UBR3: variants seen among roughly 807,000 people sequenced by gnomAD.
UBR3 encodes E3 ubiquitin-protein ligase UBR3.
UBR3 carries 85 observed loss-of-function variants against 243.2 expected under a neutral mutation model. The observed-to-expected ratio is 0.35, with a 90% CI of 0.29 to 0.42. The LOEUF (loss-of-function observed/expected upper bound fraction) is 0.42, where lower values mean the gene tolerates loss of function less well. UBR3 is among the 10% of genes least tolerant of loss of function. The pLI is 1.00. For missense variants in UBR3, 1,686 were observed against 2,300.8 expected, an observed-to-expected ratio of 0.73 and a Z score of 5.47; for synonymous variants, 748 against 799.8, an observed-to-expected ratio of 0.94 and a Z score of 1.09.
In UBR3 at chr2:169,861,120, T is replaced by C. The variant is rs575501232; in HGVS notation, c.546-11116T>C. The stretch of plus-strand genomic sequence containing the variant: ...CTAGCTGCTCTGGCAGCTAATTAGA[T>C]GGTGTCCACCCAGAATGAGGGTGGG... On this transcript the variant is annotated intron_variant, in intron 1 of 38. Transcript: ENST00000272793. Among the ~76,000 whole-genome samples, 115 of 152,312 alleles carry C rather than the reference T, an allele frequency of 7.6e-4. 1 individual carries two copies. The Middle Eastern group carries it at 0.017, about 23-fold the overall frequency.
At chr2:169,995,864 C>A (rs929163942) in intron 26 of UBR3, among the ~76,000 whole-genome samples, 8 of 152,052 alleles carry the variant, frequency 5.3e-5, no homozygotes, top group African/African-American at 1.9e-4. Flanking sequence ...TTCTGTATTC[C>A]TTTTGATGTT....
rs141091459 is a variant in UBR3, at chr2:170,069,802, C to T, written c.5020-3626C>T. On this transcript the variant is annotated intron_variant, in intron 35 of 38. Transcript: ENST00000272793. The stretch of plus-strand genomic sequence containing the variant: ...TGTGTATACAGTCATCCATCGCTAT[C>T]TGTAGGGGATTTGTTCCCCCCCCAG... Among the ~76,000 whole-genome samples the T allele has an allele frequency of 2.8e-3, 427 of 152,100 alleles. 1 individual carries two copies. Among genetic ancestry groups the T allele is most frequent in the Middle Eastern group, 0.014 (4 of 294 alleles).
chr2:170,068,733 T>C (rs2091633980), intron 35 of UBR3, among the ~76,000 whole-genome samples: 2 of 151,564 alleles, frequency 1.3e-5, no homozygotes, highest in South Asian at 2.1e-4. Context: ...GGAAGAGAGC[T>C]GATTGATAAG....
rs1216359154 is a variant in UBR3, at chr2:170,082,074, A to G, written c.*231A>G. On this transcript the variant is annotated 3_prime_UTR_variant, in exon 39 of 39. Transcript: ENST00000272793. ...CAAGTTAAATTATTCTTTAGTGGTCATTTTTTAAGTGCACAATTAATAAGA... is the reference window on the plus strand; with the variant it reads ...CAAGTTAAATTATTCTTTAGTGGTCGTTTTTTAAGTGCACAATTAATAAGA... The G allele has an allele frequency of 3.0e-6, 1 of 336,826 alleles. No homozygotes were observed. Among genetic ancestry groups the G allele is most frequent in the African/African-American group, 2.1e-5 (1 of 47,128 alleles). 20.9% of individuals were successfully genotyped at this position (336,826 alleles called of 1,614,324 possible).
intron 11 of UBR3, among the ~76,000 whole-genome samples, chr2:169,918,247 T>G (rs1051555714): frequency 3.3e-5 from 5 of 152,106 alleles, no homozygotes; most frequent in Non-Finnish European, 5.9e-5. Context: ...TCTGCCATAA[T>G]TCAACTAGCT....
In UBR3 at chr2:169,946,913, T is replaced by C. The variant is rs372982264; in HGVS notation, c.2910+521T>C. 3.3e-5 allele frequency among the ~76,000 whole-genome samples: 5 copies of C among 152,218 alleles called. No individual in the cohort carries two copies. The East Asian group carries it at 9.6e-4, about 29-fold the overall frequency. On this transcript the variant is annotated intron_variant, in intron 21 of 38. Coordinates refer to ENST00000272793, the MANE Select transcript of UBR3 (RefSeq NM_172070.4). Reference sequence around the variant, plus strand: ...TTGTTATATGGGAGAATGTTTAAAGTACTTAAAAGTTGTTACTTTGTTTCA... The same window carrying C: ...TTGTTATATGGGAGAATGTTTAAAGCACTTAAAAGTTGTTACTTTGTTTCA...
intron 31 of UBR3, among the ~76,000 whole-genome samples, chr2:170,033,372 A>G (rs1384084783): frequency 6.6e-6 from 1 of 151,922 alleles, no homozygotes; most frequent in African/African-American, 2.4e-5. Flanking sequence ...GTACTGTTTT[A>G]TACCAGTTTT....
intron 22 of UBR3, chr2:169,948,079 G>T (rs1351633844): frequency 7.5e-5 from 19 of 252,132 alleles, no homozygotes; most frequent in South Asian, 1.5e-4. Context: ...ATTTATGTGT[G>T]TTTTTTTTTT....
intron 19 of UBR3, among the ~76,000 whole-genome samples, chr2:169,936,206 T>G (rs2086322116): frequency 6.6e-6 from 1 of 152,044 alleles, no homozygotes; most frequent in Non-Finnish European, 1.5e-5. Context: ...ATTACAGGCA[T>G]GCGCTACCAT....
chr2:169,944,055 T>C (rs1019592594), intron 20 of UBR3, among the ~76,000 whole-genome samples: 11 of 152,220 alleles, frequency 7.2e-5, no homozygotes, highest in Non-Finnish European at 1.3e-4. Flanking sequence ...CAGTAATTGA[T>C]TTAAAATGCT....
At chr2:169,900,064 A>G (rs1253637690) in intron 8 of UBR3, among the ~76,000 whole-genome samples, 2 of 152,196 alleles carry the variant, frequency 1.3e-5, no homozygotes, top group African/African-American at 4.8e-5. Flanking sequence ...TCCTTGAGGA[A>G]TCGCCACACT....
chr2:170,057,187 C>T (rs967024525), intron 33 of UBR3, among the ~76,000 whole-genome samples: 92 of 150,332 alleles, frequency 6.1e-4, no homozygotes, highest in African/African-American at 2.1e-3. Context: ...ATGATCAGGG[C>T]TCACTGCAGC....
Position 169,960,540 on chromosome 2 carries a change from C to T in UBR3, c.3634+2014C>T, listed in dbSNP as rs536125170. Among the ~76,000 whole-genome samples the T allele has an allele frequency of 1.3e-4, 20 of 152,084 alleles. No individual in the cohort carries two copies. The East Asian group carries it at 3.7e-3, about 28-fold the overall frequency. On this transcript the variant is annotated intron_variant, in intron 24 of 38. Transcript: ENST00000272793. ...TTTATTGACACTACTTTCCCTTTCTCTCTCTCTTCTTTACAAAAATTGATA... is the reference window on the plus strand; with the variant it reads ...TTTATTGACACTACTTTCCCTTTCTTTCTCTCTTCTTTACAAAAATTGATA...
chr2:169,930,976 A>G (rs1302135895), intron 18 of UBR3, among the ~76,000 whole-genome samples: 1 of 152,172 alleles, frequency 6.6e-6, no homozygotes, highest in Non-Finnish European at 1.5e-5. Context: ...TAATCACTGA[A>G]GTTTTCTTCC....
chr2:170,067,513 A>G (rs1292551150), intron 35 of UBR3, among the ~76,000 whole-genome samples: 1 of 152,120 alleles, frequency 6.6e-6, no homozygotes, highest in African/African-American at 2.4e-5. Flanking sequence ...TTATGACATA[A>G]CTACATCTAT....
In UBR3 at chr2:169,946,329, C is replaced by T; in HGVS notation, c.2847C>T (p.Cys949=). The change falls in exon 21 of 39, where the codon TGC becomes TGT. Residue 949 remains cysteine, a synonymous_variant. Transcript: ENST00000272793. ...DHQNLSEHVL[C]MVLYLIELGL... The stretch of plus-strand genomic sequence containing the variant: ...AAAATCTGTCAGAACATGTACTCTG[C>T]ATGGTTTTATATCTGATTGAATTAG... 2 of 1,520,300 alleles carry T rather than the reference C, an allele frequency of 1.3e-6. No individual in the cohort carries two copies. Among genetic ancestry groups the T allele is most frequent in the Admixed American group, 2.1e-5 (1 of 47,458 alleles). The allele number at this position is 1,520,300 out of a possible 1,614,324, so 94.2% of individuals were successfully genotyped here.
intron 30 of UBR3, among the ~76,000 whole-genome samples, chr2:170,019,092 TTAAC>T (rs1251236255): frequency 2.0e-5 from 3 of 152,196 alleles, no homozygotes; most frequent in African/African-American, 4.8e-5. Context: ...TTACTGTCAT[TTAAC>T]TAAGAAACCA....
At position 169,895,413 on chromosome 2, in the gene UBR3, A is replaced by G. The variant is rs993211062; in HGVS notation, c.1236+102A>G. 7.9e-6 allele frequency: 10 copies of G among 1,258,122 alleles called. No homozygotes were observed. In the African/African-American group the frequency reaches 1.1e-4, roughly 14 times the overall value. The allele number at this position is 1,258,122 out of a possible 1,614,324, so 77.9% of individuals were successfully genotyped here. A position where few individuals can be genotyped will look rare whatever the true frequency, so the allele number is the denominator to read the frequency against. On this transcript the variant is annotated intron_variant, in intron 7 of 38. Coordinates refer to ENST00000272793, the MANE Select transcript of UBR3 (RefSeq NM_172070.4). ...TATTTCTCAGGTGAAGGTTGATATA[A>G]CACTATAAACAAGTGTTAGTTTCTT...
At chr2:169,993,438 T>A (rs754181195) in intron 25 of UBR3, among the ~76,000 whole-genome samples, 1 of 152,254 alleles carries the variant, frequency 6.6e-6, no homozygotes, top group East Asian at 1.9e-4. Flanking sequence ...TTATCATTTC[T>A]TGTTAGTCTC....
Sources: gnomAD v4.1 joint callset for allele counts (sites outside exome capture counted in the v4.1 genomes callset) on GRCh38, gnomAD v4.1.1 for gene constraint, MANE v1.5 for transcripts, NCBI Gene and HGNC (gene_info 2026-07-23, HGNC 2026-07-21) for gene names.